The following MASTL variants were observed in gnomAD, a reference collection of about 807,000 sequenced individuals.
The protein encoded by MASTL is serine/threonine-protein kinase greatwall.
Under a neutral mutation model 82.5 loss-of-function variants are expected in MASTL, and 54 were observed. That is an observed-to-expected ratio of 0.65 (90% CI 0.53 to 0.82). The LOEUF is 0.82. MASTL is among the 40% of genes least tolerant of loss of function. The pLI, the probability that MASTL is intolerant of heterozygous loss-of-function variation, is 0.00. For missense variants in MASTL, 950 were observed against 1,047.8 expected (o/e 0.91, Z 1.29); for synonymous variants, 323 against 368.9 (o/e 0.88, Z 1.43).
Position 27,180,948 on chromosome 10 carries a change from T to A in MASTL, c.2267-5T>A. The A allele has an allele frequency of 6.3e-7, 1 of 1,578,726 alleles. No homozygotes were observed. Among genetic ancestry groups the A allele is most frequent in the Non-Finnish European group, 8.7e-7 (1 of 1,147,828 alleles). ...CAACTTTAGCTGTTTCCTCTTCGAT[T>A]ACAGGTCCTGCGGTAGACTGGTGGG... On this transcript the variant is annotated splice_polypyrimidine_tract_variant and splice_region_variant and intron_variant, in intron 9 of 11. Coordinates refer to ENST00000375940, the MANE Select transcript of MASTL (RefSeq NM_001172303.3).
At chr10:27,173,918 T>A (rs535665163) in intron 9 of MASTL, among the ~76,000 whole-genome samples, 2 of 152,262 alleles carry the variant, frequency 1.3e-5, no homozygotes, top group East Asian at 3.9e-4. Context: ...GGATGGAGTT[T>A]GGGCTCAGGA....
At chr10:27,169,829 C>A in intron 7 of MASTL, 115 bp from the exon 8 acceptor site, 3 of 969,336 alleles carry the variant, frequency 3.1e-6, no homozygotes, top group Middle Eastern at 2.8e-4. Context: ...TTGAAAGTGG[C>A]AACAGGTAGC....
At chr10:27,165,721 G>A (rs2057721059) in intron 6 of MASTL, among the ~76,000 whole-genome samples, 182 bp downstream of exon 6, 1 of 151,364 alleles carries the variant, frequency 6.6e-6, no homozygotes, top group African/African-American at 2.4e-5. Context: ...ACCAGCCTGG[G>A]CAACAAAGTG....
chr10:27,173,363 A>C, intron 9 of MASTL, 104 bp downstream of exon 9: 2 of 1,305,668 alleles, frequency 1.5e-6, no homozygotes, highest in Non-Finnish European at 2.2e-6. Flanking sequence ...TACCTAAAGT[A>C]AAAGAAAATG....
chr10:27,169,043 A>T (rs1300119128), intron 7 of MASTL, among the ~76,000 whole-genome samples: 1 of 152,122 alleles, frequency 6.6e-6, no homozygotes, highest in African/African-American at 2.4e-5. Context: ...GGAATTCAGA[A>T]AAAAAAATCA....
At chr10:27,174,821 C>CA (rs2058053887) in intron 9 of MASTL, among the ~76,000 whole-genome samples, 1 of 152,106 alleles carries the variant, frequency 6.6e-6, no homozygotes, top group South Asian at 2.1e-4. Flanking sequence ...ATCATAGTTG[C>CA]AAAAACCCAT....
At chr10:27,182,222 G>T (rs2058360321) in intron 11 of MASTL, among the ~76,000 whole-genome samples, 1 of 148,110 alleles carries the variant, frequency 6.8e-6, no homozygotes, top group Non-Finnish European at 1.5e-5. Flanking sequence ...CTGCACTCCA[G>T]CCTGGGCGAC....
rs75578438 is a variant in MASTL at position 27,166,698 on chromosome 10, G to C, written c.812-404G>C. On this transcript the variant is annotated intron_variant, in intron 6 of 11. Transcript: ENST00000375940. ...TATCGCTTGAGCCCAGGAGGTCAAG[G>C]CTGCAGTGAGAGTAATCATACCACT... Among the ~76,000 whole-genome samples the C allele has an allele frequency of 9.6e-3, 1,467 of 152,134 alleles. 24 individuals are homozygous for C. The highest frequency in any genetic ancestry group is 0.033 in the African/African-American group (1,387 of 41,526).
chr10:27,169,533 G>C (rs1213865251), intron 7 of MASTL, among the ~76,000 whole-genome samples: 2 of 149,922 alleles, frequency 1.3e-5, no homozygotes, highest in Non-Finnish European at 2.9e-5. Flanking sequence ...TCGCACCACT[G>C]CACTTCAGCC....
At position 27,181,467 on chromosome 10, in the gene MASTL, T is replaced by C. The variant is rs1394025768; in HGVS notation, c.2381-13T>C. On this transcript the variant is annotated splice_polypyrimidine_tract_variant and intron_variant, in intron 10 of 11. Coordinates refer to ENST00000375940, the MANE Select transcript of MASTL (RefSeq NM_001172303.3). ...AGTAATAAACAAGTTTATTTGTATATGTATAATTTTAGATATCCCTTGGCC... is the reference window on the plus strand; with the variant it reads ...AGTAATAAACAAGTTTATTTGTATACGTATAATTTTAGATATCCCTTGGCC... 6.6e-7 allele frequency: 1 copy of C among 1,525,958 alleles called. No individual in the cohort carries two copies. The highest frequency in any genetic ancestry group is 1.7e-5 in the Admixed American group (1 of 59,852). The allele number at this position is 1,525,958 out of a possible 1,614,324, so 94.5% of individuals were successfully genotyped here.
rs573995843 is a variant in MASTL, at chr10:27,168,394, G to A, written c.984+1120G>A. ...CTTCTGCATCCCTGAGGGATGCACC[G>A]ATGGGATTATAGTGGTGCTTCTCAA... On this transcript the variant is annotated intron_variant, in intron 7 of 11. Coordinates refer to ENST00000375940, the MANE Select transcript of MASTL (RefSeq NM_001172303.3). 3.3e-5 allele frequency among the ~76,000 whole-genome samples: 5 copies of A among 152,254 alleles called. No homozygotes were observed. In the East Asian group the frequency reaches 5.8e-4, roughly 18 times the overall value.
At position 27,159,877 on chromosome 10, in the gene MASTL, A is replaced by C. The variant is rs2057510894; in HGVS notation, c.464+119A>C. ...ATTTCCAGGTTATCTAAAGTTTACT[A>C]GTAACTTGTATTCATTTAGAAATTA... On this transcript the variant is annotated intron_variant, in intron 3 of 11. Transcript: ENST00000375940. The surrounding 1 kb of genome is among the most constrained non-coding windows in gnomAD (Gnocchi z 4.0). 2.1e-4 allele frequency: 179 copies of C among 837,226 alleles called. 4 individuals are homozygous for C. The South Asian group carries it at 2.4e-3, about 11-fold the overall frequency. 51.9% of individuals were successfully genotyped at this position (837,226 alleles called of 1,614,324 possible).
intron 7 of MASTL, 113 bp downstream of exon 7, chr10:27,167,387 GCAGT>G: frequency 1.1e-6 from 1 of 877,032 alleles, no homozygotes; most frequent in Non-Finnish European, 1.8e-6. Context: ...TACATGAATG[GCAGT>G]CATAGTATTA....
intron 7 of MASTL, among the ~76,000 whole-genome samples, chr10:27,169,310 C>T (rs2057841157): frequency 6.6e-6 from 1 of 152,048 alleles, no homozygotes; most frequent in African/African-American, 2.4e-5. Context: ...CACCTGTAAT[C>T]CCAGCACTTT....
chr10:27,168,817 A>T (rs2057823565), intron 7 of MASTL, among the ~76,000 whole-genome samples: 1 of 152,166 alleles, frequency 6.6e-6, no homozygotes, highest in South Asian at 2.1e-4. Flanking sequence ...TTCAAAAAAA[A>T]ATATCCTTTT....
At chr10:27,162,783 A>G (rs536875126) in intron 4 of MASTL, among the ~76,000 whole-genome samples, 267 of 152,368 alleles carry the variant, frequency 1.8e-3, no homozygotes, top group African/African-American at 6.2e-3. Flanking sequence ...ATAACTATTA[A>G]TATTTGAAAA....
intron 1 of MASTL, 143 bp downstream of exon 1, chr10:27,155,755 G>T: frequency 1.1e-6 from 1 of 914,860 alleles, no homozygotes; most frequent in South Asian, 1.4e-5. Flanking sequence ...CCTGCGAGCT[G>T]ACTTCTTTTT....
At chr10:27,171,229 C>A in intron 8 of MASTL, 146 bp downstream of exon 8, 1 of 712,946 alleles carries the variant, frequency 1.4e-6, no homozygotes, top group Non-Finnish European at 2.4e-6. Flanking sequence ...AAGTTTTCAC[C>A]CAGAAAAGTA....
At chr10:27,171,142 C>G in intron 8 of MASTL, 59 bp downstream of exon 8, 3 of 1,408,156 alleles carry the variant, frequency 2.1e-6, no homozygotes, top group Non-Finnish European at 3.0e-6. Context: ...TGAAGACAGA[C>G]ATTTGCCTCT....
Sources: gnomAD v4.1 joint callset for allele counts (sites outside exome capture counted in the v4.1 genomes callset) on GRCh38, gnomAD v4.1.1 for gene constraint, Gnocchi (gnomAD v3.1) non-coding constraint, MANE v1.5 for transcripts, NCBI Gene and HGNC (gene_info 2026-07-23, HGNC 2026-07-21) for gene names.